Variants in LUZP2 observed in about 807,000 individuals in gnomAD.
The protein encoded by LUZP2 is leucine zipper protein 2.
In LUZP2, 52 loss-of-function variants were observed where a neutral mutation model predicts 51.6. The observed-to-expected ratio is 1.01, with a 90% confidence interval of 0.81 to 1.27. The LOEUF (loss-of-function observed/expected upper bound fraction) is 1.27. LUZP2 is among the 50% of genes most tolerant of loss of function. The pLI is 0.00. For synonymous variants in LUZP2, 154 were observed against 137.3 expected, an observed-to-expected ratio of 1.12 and a Z score of -0.85; for missense variants, 436 against 395.4, an observed-to-expected ratio of 1.10 and a Z score of -0.87.
chr11:24,590,023 T>C (rs1853205805), intron 1 of LUZP2, among the ~76,000 whole-genome samples: 1 of 152,184 alleles, frequency 6.6e-6, no homozygotes, highest in South Asian at 2.1e-4. Context: ...TGTACGTGCA[T>C]TTAAAATTGT....
chr11:24,851,848 G>T (rs1468153976), intron 5 of LUZP2, among the ~76,000 whole-genome samples: 1 of 152,178 alleles, frequency 6.6e-6, no homozygotes, highest in African/African-American at 2.4e-5. Context: ...CGTCTTGGGA[G>T]GGTGTTAAGT....
chr11:24,508,305 T>C (rs1476882134), intron 1 of LUZP2, among the ~76,000 whole-genome samples: 1 of 152,136 alleles, frequency 6.6e-6, no homozygotes, highest in Non-Finnish European at 1.5e-5. Flanking sequence ...TTGCATGCCC[T>C]TCCGCAAATA....
chr11:24,745,781 G>A (rs550183742), intron 4 of LUZP2, among the ~76,000 whole-genome samples: 1 of 152,166 alleles, frequency 6.6e-6, no homozygotes, highest in South Asian at 2.1e-4. Flanking sequence ...GGGTTCAAGC[G>A]ATTTTCCTAT....
chr11:24,935,042 C>G (rs974868952), intron 7 of LUZP2, among the ~76,000 whole-genome samples: 1 of 152,160 alleles, frequency 6.6e-6, no homozygotes, highest in Non-Finnish European at 1.5e-5. Flanking sequence ...AAGAATAAGG[C>G]ACAAGTCAGG....
chr11:24,945,237 A>G (rs556233100), intron 7 of LUZP2, among the ~76,000 whole-genome samples: 79 of 152,330 alleles, frequency 5.2e-4, no homozygotes, highest in African/African-American at 1.9e-3. Context: ...CCTGAAAAAA[A>G]TAAAGTAGGT....
intron 1 of LUZP2, among the ~76,000 whole-genome samples, chr11:24,702,835 C>T (rs1386908919): frequency 6.6e-6 from 1 of 152,192 alleles, no homozygotes; most frequent in Non-Finnish European, 1.5e-5. Flanking sequence ...ATATCAGTAT[C>T]ACCAATTTTG....
intron 1 of LUZP2, among the ~76,000 whole-genome samples, chr11:24,518,802 G>A (rs1213613354): frequency 1.3e-5 from 2 of 152,196 alleles, no homozygotes; most frequent in Non-Finnish European, 2.9e-5. Context: ...ATAAAACAAA[G>A]GGGCATTCCA....
chr11:24,904,704 C>T (rs1296959915), intron 5 of LUZP2, among the ~76,000 whole-genome samples: 1 of 152,150 alleles, frequency 6.6e-6, no homozygotes, highest in Non-Finnish European at 1.5e-5. Context: ...TCCCATCCTT[C>T]AGCTTGTCTC....
chr11:24,513,062 A>AT (rs71041767), intron 1 of LUZP2, among the ~76,000 whole-genome samples: 5,875 of 151,942 alleles, frequency 0.039, 269 homozygotes, highest in African/African-American at 0.11. Context: ...CCAGCAAATG[A>AT]TTTTTTTCTA....
chr11:24,989,101 TAAAAA>T (rs67413838), intron 9 of LUZP2, among the ~76,000 whole-genome samples: 1 of 143,742 alleles, frequency 7.0e-6, no homozygotes. Context: ...CCTGTGCAGT[TAAAAA>T]AAAAAAAAAA....
chr11:25,060,800 C>T (rs1179400329), intron 10 of LUZP2, among the ~76,000 whole-genome samples: 1 of 152,134 alleles, frequency 6.6e-6, no homozygotes, highest in Non-Finnish European at 1.5e-5. Flanking sequence ...GTCTTATCCT[C>T]ATCCTCCTCT....
chr11:24,675,763 A>G (rs1006831737), intron 1 of LUZP2, among the ~76,000 whole-genome samples: 4 of 147,722 alleles, frequency 2.7e-5, no homozygotes, highest in African/African-American at 1.0e-4. Context: ...CAAATCTCCT[A>G]ATTAGTTTTC....
chr11:24,742,019 T>C (rs1028923777), intron 4 of LUZP2, among the ~76,000 whole-genome samples: 17 of 123,492 alleles, frequency 1.4e-4, no homozygotes, highest in African/African-American at 6.8e-4. Context: ...TAAATATAAT[T>C]ATATATTTTA....
At chr11:24,716,399 A>C (rs551552551) in intron 1 of LUZP2, among the ~76,000 whole-genome samples, 5 of 152,344 alleles carry the variant, frequency 3.3e-5, no homozygotes, top group African/African-American at 9.6e-5. Flanking sequence ...ACATTGAAAG[A>C]CTATTCCATG....
Position 24,501,751 on chromosome 11 carries a change from A to T in LUZP2, c.62+4446A>T, listed in dbSNP as rs141944766. Among the ~76,000 whole-genome samples the T allele has an allele frequency of 1.4e-4, 21 of 152,348 alleles. No individual in the cohort carries two copies. In the East Asian group the frequency reaches 4.0e-3, roughly 29 times the overall value. On this transcript the variant is annotated intron_variant, in intron 1 of 11. Coordinates refer to ENST00000336930, the MANE Select transcript of LUZP2 (RefSeq NM_001009909.4). Reference sequence around the variant, plus strand: ...AGTTATTACATGCACCATCAGGGCAATAAAACAATAGATTAGTTATGTATA... The same window carrying T: ...AGTTATTACATGCACCATCAGGGCATTAAAACAATAGATTAGTTATGTATA...
intron 7 of LUZP2, among the ~76,000 whole-genome samples, chr11:24,976,068 C>A (rs554090154): frequency 6.6e-6 from 1 of 152,070 alleles, no homozygotes; most frequent in East Asian, 1.9e-4. Flanking sequence ...GGCCTATCCA[C>A]CTGTGAACAC....
intron 4 of LUZP2, among the ~76,000 whole-genome samples, chr11:24,738,746 T>C (rs1565108782): frequency 6.6e-6 from 1 of 152,032 alleles, no homozygotes; most frequent in South Asian, 2.1e-4. Context: ...ATCCCCAAAG[T>C]TGATGAATCA....
At chr11:24,742,240 T>C (rs893992877) in intron 4 of LUZP2, among the ~76,000 whole-genome samples, 3 of 151,462 alleles carry the variant, frequency 2.0e-5, no homozygotes, top group African/African-American at 7.3e-5. Context: ...ATGGATCTAA[T>C]GGTAGTTCTA....
intron 1 of LUZP2, among the ~76,000 whole-genome samples, chr11:24,711,729 T>C (rs1857835457): frequency 6.6e-6 from 1 of 152,162 alleles, no homozygotes; most frequent in Non-Finnish European, 1.5e-5. Flanking sequence ...CATAGTTTTT[T>C]CCCTAATTTT....
Sources: gnomAD v4.1 joint callset for allele counts (sites outside exome capture counted in the v4.1 genomes callset) on GRCh38, gnomAD v4.1.1 for gene constraint, MANE v1.5 for transcripts, NCBI Gene and HGNC (gene_info 2026-07-23, HGNC 2026-07-21) for gene names.